TLL2: variants seen among roughly 807,000 people sequenced by gnomAD.
The protein encoded by TLL2 is tolloid-like protein 2.
A neutral mutation model predicts 123.0 loss-of-function variants in TLL2; 106 were observed. The observed-to-expected ratio is 0.86, with a 90% CI of 0.74 to 1.01. The LOEUF (loss-of-function observed/expected upper bound fraction) is 1.01. TLL2 is among the 50% of genes least tolerant of loss of function. The pLI is 0.00. For synonymous variants in TLL2, 494 were observed against 516.8 expected (o/e 0.96, Z 0.60); for missense variants, 1,332 against 1,336.7 (o/e 1.00, Z 0.06).
At chr10:96,491,089 A>G (rs1331615150) in intron 1 of TLL2, among the ~76,000 whole-genome samples, 1 of 152,188 alleles carries the variant, frequency 6.6e-6, no homozygotes, top group African/African-American at 2.4e-5. Flanking sequence ...AGCATTTAAA[A>G]TGCACATCCG....
chr10:96,494,943 C>G (rs982784344), intron 1 of TLL2, among the ~76,000 whole-genome samples: 5 of 152,202 alleles, frequency 3.3e-5, no homozygotes, highest in African/African-American at 1.2e-4. Flanking sequence ...CCTGCCCCAC[C>G]CACTCAGGTG....
intron 13 of TLL2, among the ~76,000 whole-genome samples, chr10:96,392,873 T>G (rs1007946855): frequency 3.9e-5 from 6 of 152,192 alleles, no homozygotes; most frequent in Admixed American, 3.3e-4. Context: ...GATGAGGAGA[T>G]TCTCCTGGAT....
At chr10:96,424,813 A>G (rs1010103948) in intron 5 of TLL2, among the ~76,000 whole-genome samples, 3 of 152,068 alleles carry the variant, frequency 2.0e-5, no homozygotes, top group African/African-American at 7.2e-5. Flanking sequence ...TGTTAGTATT[A>G]CAAAATGTAT....
intron 5 of TLL2, among the ~76,000 whole-genome samples, chr10:96,425,262 TCTCTCTC>T (rs1311162596): frequency 1.3e-4 from 9 of 67,168 alleles, no homozygotes; most frequent in African/African-American, 2.9e-4. Context: ...TACTGTTTTC[TCTCTCTC>T]TCTCTCTCTC....
intron 2 of TLL2, among the ~76,000 whole-genome samples, chr10:96,464,217 C>T (rs960502396): frequency 6.6e-6 from 1 of 151,960 alleles, no homozygotes; most frequent in African/African-American, 2.4e-5. Context: ...AACCCCATCT[C>T]TACTGAAAAT....
chr10:96,424,794 A>G (rs1483328891), intron 5 of TLL2, among the ~76,000 whole-genome samples: 1 of 151,968 alleles, frequency 6.6e-6, no homozygotes, highest in Non-Finnish European at 1.5e-5. Flanking sequence ...GCATTATAAA[A>G]GTTTTTAATG....
intron 1 of TLL2, among the ~76,000 whole-genome samples, chr10:96,498,111 T>C (rs985836705): frequency 2.0e-5 from 3 of 152,256 alleles, no homozygotes; most frequent in Admixed American, 2.0e-4. Context: ...TAAGCCCTAA[T>C]AGCTTCACTG....
rs1846973216 is a variant in TLL2 at position 96,452,646 on chromosome 10, T to G, written c.287-6478A>C. Among the ~76,000 whole-genome samples, 3 of 152,214 alleles carry G rather than the reference T, an allele frequency of 2.0e-5. No homozygotes were observed. In the South Asian group the frequency reaches 6.2e-4, roughly 32 times the overall value. On this transcript the variant is annotated intron_variant, in intron 2 of 20. Coordinates refer to ENST00000357947, the MANE Select transcript of TLL2 (RefSeq NM_012465.4). ...CACCCAGCTAGTCAATGATTGAATG[T>G]GCATTTCAAAGAGGGCCCGTCTGAC...
intron 2 of TLL2, among the ~76,000 whole-genome samples, chr10:96,476,240 A>ATATATATATATTTTTTTTTT: frequency 1.5e-4 from 3 of 20,496 alleles, no homozygotes; most frequent in Non-Finnish European, 2.0e-4. Context: ...ATATATATAT[A>ATATATATATATTTTTTTTTT]TTTTATTTTT....
chr10:96,426,505 T>G (rs1448778597), intron 5 of TLL2, among the ~76,000 whole-genome samples: 1 of 152,198 alleles, frequency 6.6e-6, no homozygotes, highest in Non-Finnish European at 1.5e-5. Flanking sequence ...TTTGAAGTTT[T>G]GAAAGAATTC....
chr10:96,413,123 T>C, intron 8 of TLL2, 69 bp downstream of exon 8: 1 of 1,583,132 alleles, frequency 6.3e-7, no homozygotes. Context: ...CCAAGTTGTT[T>C]TCCCAGCATA....
At chr10:96,412,919 T>C (rs1341280139) in intron 8 of TLL2, among the ~76,000 whole-genome samples, 1 of 152,214 alleles carries the variant, frequency 6.6e-6, no homozygotes, top group Non-Finnish European at 1.5e-5. Context: ...TTATGCCTTC[T>C]TCCCCTTCTG....
chr10:96,364,843 T>C lies in TLL2; in HGVS notation c.*3245A>G, dbSNP rs562147930. 3 of 152,600 alleles carry C rather than the reference T, an allele frequency of 2.0e-5. No homozygotes were observed. Among genetic ancestry groups the C allele is most frequent in the African/African-American group, 7.2e-5 (3 of 41,588 alleles). The allele number at this position is 152,600 out of a possible 1,614,324, so 9.5% of individuals were successfully genotyped here. ...CTACAAAAGAAACTTTAAAAACATC[T>C]GCTAAAGCCAAGGGAACATTTGTTC... On this transcript the variant is annotated 3_prime_UTR_variant, in exon 21 of 21. Transcript: ENST00000357947.
intron 1 of TLL2, among the ~76,000 whole-genome samples, chr10:96,491,533 C>A (rs1482426062): frequency 1.3e-5 from 2 of 152,030 alleles, no homozygotes; most frequent in Non-Finnish European, 2.9e-5. Context: ...GAAGCTCTGG[C>A]TAGTAAATGT....
At chr10:96,461,427 G>A (rs767493412) in intron 2 of TLL2, among the ~76,000 whole-genome samples, 17 of 152,144 alleles carry the variant, frequency 1.1e-4, no homozygotes, top group Admixed American at 3.3e-4. Context: ...ATGGAGGTGC[G>A]GATGAGGGCA....
At chr10:96,382,801 T>C (rs895903315) in intron 16 of TLL2, among the ~76,000 whole-genome samples, 2 of 152,196 alleles carry the variant, frequency 1.3e-5, no homozygotes, top group African/African-American at 4.8e-5. Context: ...CTGTTCACTA[T>C]AAATTACCTA....
At chr10:96,503,244 C>G (rs1281498225) in intron 1 of TLL2, among the ~76,000 whole-genome samples, 1 of 152,028 alleles carries the variant, frequency 6.6e-6, no homozygotes, top group Non-Finnish European at 1.5e-5. Context: ...GAGGTTGTTA[C>G]TTATAAGGAA....
chr10:96,489,864 A>G (rs1301737000), intron 1 of TLL2, among the ~76,000 whole-genome samples: 1 of 152,166 alleles, frequency 6.6e-6, no homozygotes, highest in Admixed American at 6.5e-5. Flanking sequence ...TGGGAGGCCA[A>G]GGCAGGTGGA....
At chr10:96,507,428 T>C (rs1847588907) in intron 1 of TLL2, among the ~76,000 whole-genome samples, 1 of 152,128 alleles carries the variant, frequency 6.6e-6, no homozygotes, top group Non-Finnish European at 1.5e-5. Context: ...TGATCAGGTC[T>C]GAAATTAAGA....
Sources: gnomAD v4.1 joint callset for allele counts (sites outside exome capture counted in the v4.1 genomes callset) on GRCh38, gnomAD v4.1.1 for gene constraint, MANE v1.5 for transcripts, NCBI Gene and HGNC (gene_info 2026-07-23, HGNC 2026-07-21) for gene names.